CECR2: variants seen among roughly 807,000 people sequenced by gnomAD.
CECR2 encodes chromatin remodeling regulator CECR2.
In CECR2, 30 loss-of-function variants were observed where a neutral mutation model predicts 154.5. The observed-to-expected ratio is 0.19, with a 90% CI of 0.15 to 0.26. CECR2 has a LOEUF of 0.26. Ranked by LOEUF, CECR2 falls within the 10% of genes least tolerant of loss-of-function variation. The pLI, the probability that CECR2 is intolerant of heterozygous loss-of-function variation, is 1.00. For missense variants in CECR2, 1,743 were observed against 1,829.3 expected (o/e 0.95, Z 0.86); for synonymous variants, 725 against 683.7 (o/e 1.06, Z -0.94).
At chr22:17,366,230 C>T (rs1276709960), upstream of CECR2, among the ~76,000 whole-genome samples, 1 of 152,160 alleles carries the variant, frequency 6.6e-6, no homozygotes, top group Non-Finnish European at 1.5e-5. Flanking sequence ...CACTCTGTCG[C>T]TAGGCTGGAG....
intron 1 of CECR2, among the ~76,000 whole-genome samples, chr22:17,385,825 G>A (rs1281266166): frequency 6.6e-6 from 1 of 152,332 alleles, no homozygotes; most frequent in African/African-American, 2.4e-5. Flanking sequence ...GTATTAGAGC[G>A]GAAGGGGCAT....
chr22:17,474,061 T>G lies in CECR2; in HGVS notation c.127-3527T>G, dbSNP rs565494270. On this transcript the variant is annotated intron_variant, in intron 1 of 18. Coordinates refer to ENST00000262608, the MANE Select transcript of CECR2 (RefSeq NM_001290047.2). ...TCCATTTGGTACTAACTGGGGGGGG[T>G]TTATAGTTACTAAAGGGAAAGAGAA... 1.0e-3 allele frequency among the ~76,000 whole-genome samples: 156 copies of G among 151,506 alleles called. 1 individual carries two copies. The highest frequency in any genetic ancestry group is 1.4e-3 in the Non-Finnish European group (98 of 67,884).
Position 17,542,984 on chromosome 22 carries a change from A to G in CECR2, c.2841A>G (p.Gln947=), listed in dbSNP as rs1191752428. ...GGGCACCGGAGAACAGTGAAGCACA[A>G]GAGCCTGAGAATGACCAAGGTAATT... ...PGRAPENSEA[Q]EPENDQAEPL... The change falls in exon 16 of 19, where the codon CAA becomes CAG. Residue 947 remains glutamine, a synonymous_variant. Coordinates refer to ENST00000262608, the MANE Select transcript of CECR2 (RefSeq NM_001290047.2). 6.2e-7 allele frequency: 1 copy of G among 1,609,612 alleles called. No individual in the cohort carries two copies. The highest frequency in any genetic ancestry group is 8.5e-7 in the Non-Finnish European group (1 of 1,177,518).
chr22:17,389,659 A>G (rs1320118261), intron 1 of CECR2, among the ~76,000 whole-genome samples: 4 of 151,500 alleles, frequency 2.6e-5, no homozygotes, highest in South Asian at 2.1e-4. Flanking sequence ...ATGGAGTCTC[A>G]CTCTGTTGCC....
intron 1 of CECR2, among the ~76,000 whole-genome samples, chr22:17,381,504 C>T (rs2063188790): frequency 1.3e-5 from 2 of 152,134 alleles, no homozygotes; most frequent in South Asian, 4.2e-4. Context: ...TCTTCCTTAC[C>T]CCTGACTCCG....
At chr22:17,368,909 G>C (rs915241447), upstream of CECR2, among the ~76,000 whole-genome samples, 40 of 152,048 alleles carry the variant, frequency 2.6e-4, no homozygotes, top group African/African-American at 9.2e-4. Context: ...TTCTTCCCTC[G>C]GAGAAAAAAG....
At chr22:17,424,249 T>C (rs1443987279) in intron 1 of CECR2, 1 of 152,328 alleles carries the variant, frequency 6.6e-6, no homozygotes, top group Admixed American at 6.5e-5. Context: ...TGGTTACTTT[T>C]TTTTTTTAAG....
chr22:17,429,614 AC>A (rs1348274422), intron 1 of CECR2, among the ~76,000 whole-genome samples: 3 of 152,084 alleles, frequency 2.0e-5, no homozygotes, highest in Non-Finnish European at 4.4e-5. Flanking sequence ...ATTAGCTTAT[AC>A]AGAGTAAGTT....
chr22:17,506,699 G>A (rs1254277285), intron 7 of CECR2, among the ~76,000 whole-genome samples: 2 of 152,058 alleles, frequency 1.3e-5, no homozygotes, highest in Non-Finnish European at 2.9e-5. Flanking sequence ...TGTCACTCAG[G>A]GTGGAGTGCA....
At chr22:17,412,820 A>G (rs530888043) in intron 1 of CECR2, among the ~76,000 whole-genome samples, 1 of 152,252 alleles carries the variant, frequency 6.6e-6, no homozygotes, top group South Asian at 2.1e-4. Context: ...TTTGGCAGGC[A>G]TCGTGCAGAG....
At chr22:17,453,519 T>G (rs1569092214) in intron 1 of CECR2, among the ~76,000 whole-genome samples, 1 of 152,202 alleles carries the variant, frequency 6.6e-6, no homozygotes, top group Non-Finnish European at 1.5e-5. Context: ...CCAACTTACC[T>G]TAGGGTTTAT....
chr22:17,496,372 C>T (rs2055627696), intron 2 of CECR2, among the ~76,000 whole-genome samples: 1 of 151,780 alleles, frequency 6.6e-6, no homozygotes, highest in Non-Finnish European at 1.5e-5. Context: ...TGGTGGTGGG[C>T]GCCTCTAGTC....
chr22:17,465,333 G>GT (rs1215415473), intron 1 of CECR2, among the ~76,000 whole-genome samples: 1 of 149,718 alleles, frequency 6.7e-6, no homozygotes, highest in Non-Finnish European at 1.5e-5. Flanking sequence ...GTTTTATTTT[G>GT]TTTTTTGTTT....
intron 1 of CECR2, chr22:17,477,170 T>C: frequency 1.4e-6 from 1 of 720,178 alleles, no homozygotes; most frequent in Non-Finnish European, 2.6e-6. Context: ...GTTGAGTAAA[T>C]GACAAATGTT....
rs761045578 is a variant in CECR2, at chr22:17,540,803, A to G, written c.1884+3A>G. 6 of 1,561,978 alleles carry G rather than the reference A, an allele frequency of 3.8e-6. No individual in the cohort carries two copies. The highest frequency in any genetic ancestry group is 4.3e-6 in the Non-Finnish European group (5 of 1,153,710). On this transcript the variant is annotated splice_donor_region_variant and intron_variant, in intron 14 of 18. Transcript: ENST00000262608. Reference sequence around the variant, plus strand: ...AGGCACCCTTTTTAAACCAGATGGTAAGGAATAGAGTGGAGACTGTTGCGG... The same window carrying G: ...AGGCACCCTTTTTAAACCAGATGGTGAGGAATAGAGTGGAGACTGTTGCGG...
At chr22:17,522,590 G>C (rs1419334948) in intron 8 of CECR2, among the ~76,000 whole-genome samples, 1 of 152,116 alleles carries the variant, frequency 6.6e-6, no homozygotes, top group African/African-American at 2.4e-5. Context: ...ACACCTTATG[G>C]GTACAGTGTT....
intron 17 of CECR2, 42 bp downstream of exon 17, chr22:17,549,606 A>G (rs745311069): frequency 7.9e-5 from 112 of 1,421,398 alleles, no homozygotes; most frequent in Non-Finnish European, 1.0e-4. Flanking sequence ...GAGAGAACAG[A>G]TGTTTATTTT....
At chr22:17,392,755 A>G (rs1053813937) in intron 1 of CECR2, among the ~76,000 whole-genome samples, 10 of 152,170 alleles carry the variant, frequency 6.6e-5, no homozygotes, top group Admixed American at 2.6e-4. Flanking sequence ...AGTGTTCAAC[A>G]AGTAGGCCGG....
intron 9 of CECR2, among the ~76,000 whole-genome samples, chr22:17,525,146 G>C (rs558582189): frequency 6.7e-6 from 1 of 150,140 alleles, no homozygotes; most frequent in East Asian, 2.0e-4. Flanking sequence ...TTAGCTGGGC[G>C]TGGTGGGGCA....
Sources: allele counts gnomAD v4.1 joint callset (sites outside exome capture counted in the v4.1 genomes callset), GRCh38; gene constraint gnomAD v4.1.1; transcripts MANE v1.5; gene names NCBI Gene and HGNC (gene_info 2026-07-23, HGNC 2026-07-21).